Variants in GPRIN3 observed in about 807,000 individuals in gnomAD.
GPRIN3 encodes GPRIN family member 3, also known as G protein-regulated inducer of neurite outgrowth 3.
A neutral mutation model predicts 13.7 loss-of-function variants in GPRIN3; 12 were observed. The observed-to-expected ratio is 0.87, with a 90% CI of 0.56 to 1.42. The LOEUF (loss-of-function observed/expected upper bound fraction) is 1.42, where lower values mean the gene tolerates loss of function less well. Among genes scored for constraint, GPRIN3 ranks in the 40% most tolerant of loss-of-function variants. The probability of loss-of-function intolerance (pLI) is 0.00; values close to 1 mark genes in which losing one functional copy is unlikely to be tolerated. For missense variants in GPRIN3, 1,009 were observed against 958.7 expected, an observed-to-expected ratio of 1.05 and a Z score of -0.69; for synonymous variants, 377 against 372.7, an observed-to-expected ratio of 1.01 and a Z score of -0.13.
intron 1 of GPRIN3, among the ~76,000 whole-genome samples, chr4:89,287,105 T>C (rs570770963): frequency 1.6e-4 from 25 of 152,346 alleles, no homozygotes; most frequent in African/African-American, 6.0e-4. Flanking sequence ...GCTTCTTATG[T>C]ATAAGGCATT....
chr4:89,295,126 T>A (rs1470519463), intron 1 of GPRIN3, among the ~76,000 whole-genome samples: 3 of 152,206 alleles, frequency 2.0e-5, no homozygotes, highest in African/African-American at 4.8e-5. Context: ...AAAGTACTAA[T>A]TTTTTCCCTT....
At chr4:89,258,787 G>A (rs1274282541) in intron 1 of GPRIN3, among the ~76,000 whole-genome samples, 1 of 152,136 alleles carries the variant, frequency 6.6e-6, no homozygotes, top group Admixed American at 6.5e-5. Context: ...ATGCCAAGGC[G>A]CCCTACGTCG....
intron 1 of GPRIN3, among the ~76,000 whole-genome samples, chr4:89,270,149 C>A (rs1723890680): frequency 1.3e-5 from 2 of 151,968 alleles, no homozygotes; most frequent in Non-Finnish European, 2.9e-5. Context: ...TGAATTTATT[C>A]ACCATAAAAG....
intron 1 of GPRIN3, among the ~76,000 whole-genome samples, chr4:89,284,549 G>T (rs1222321120): frequency 6.6e-6 from 1 of 152,190 alleles, no homozygotes; most frequent in Non-Finnish European, 1.5e-5. Context: ...AGGTTAGCTA[G>T]TAGTAACAGC....
intron 1 of GPRIN3, among the ~76,000 whole-genome samples, chr4:89,288,598 C>A (rs1724487387): frequency 6.6e-6 from 1 of 152,120 alleles, no homozygotes; most frequent in South Asian, 2.1e-4. Flanking sequence ...TTTTTCCATG[C>A]AGGGCACTCT....
rs752229812 is a variant in GPRIN3 at position 89,248,569 on chromosome 4, A to G, written c.1542T>C (p.Ser514=). Residue 514 remains serine (S), a synonymous_variant, in exon 2 of 2, where the codon TCT becomes TCC. Transcript: ENST00000609438. Reference sequence around the variant, plus strand: ...GATCAGCTTTGCTGATAGAGCCACAAGAGTCAGATAGTTTGCAATCTGGGT... The same window carrying G: ...GATCAGCTTTGCTGATAGAGCCACAGGAGTCAGATAGTTTGCAATCTGGGT... ...KTDPDCKLSD[S]CGSISKADHS... 3.1e-6 allele frequency: 5 copies of G among 1,612,930 alleles called. No individual in the cohort carries two copies. Among genetic ancestry groups the G allele is most frequent in the East Asian group, 4.5e-5 (2 of 44,848 alleles).
chr4:89,300,982 T>C (rs576673835), intron 1 of GPRIN3, among the ~76,000 whole-genome samples: 2 of 152,296 alleles, frequency 1.3e-5, no homozygotes, highest in South Asian at 2.1e-4. Flanking sequence ...AAATACCTTA[T>C]AGAAAAATTC....
At chr4:89,270,771 T>C (rs1427312874) in intron 1 of GPRIN3, among the ~76,000 whole-genome samples, 1 of 151,494 alleles carries the variant, frequency 6.6e-6, no homozygotes, top group African/African-American at 2.4e-5. Context: ...ATAAATTTCA[T>C]GCATCAAGGT....
intron 1 of GPRIN3, among the ~76,000 whole-genome samples, chr4:89,288,244 GT>G (rs1374379021): frequency 6.6e-6 from 1 of 151,986 alleles, no homozygotes; most frequent in Non-Finnish European, 1.5e-5. Flanking sequence ...AAGGTTTTTT[GT>G]TTTTTTCTTT....
chr4:89,269,556 C>G (rs1723872243), intron 1 of GPRIN3, among the ~76,000 whole-genome samples: 1 of 152,118 alleles, frequency 6.6e-6, no homozygotes, highest in African/African-American at 2.4e-5. Flanking sequence ...AAATTTATTA[C>G]AGAAATTGTT....
Position 89,272,173 on chromosome 4 carries a change from A to G in GPRIN3, c.-123-21940T>C, listed in dbSNP as rs190482834. 2.5e-4 allele frequency among the ~76,000 whole-genome samples: 38 copies of G among 152,302 alleles called. No homozygotes were observed. The East Asian group carries it at 5.4e-3, about 22-fold the overall frequency. On this transcript the variant is annotated intron_variant, in intron 1 of 1. Coordinates refer to ENST00000609438, the MANE Select transcript of GPRIN3 (RefSeq NM_198281.3). ...GTTACAGCAGCCTGAAAGGACTAAG[A>G]CAGAGTAACGGGTTATGGAGGGTGG...
intron 1 of GPRIN3, among the ~76,000 whole-genome samples, chr4:89,273,295 CA>C (rs1177819558): frequency 2.0e-5 from 3 of 152,088 alleles, no homozygotes; most frequent in Non-Finnish European, 4.4e-5. Flanking sequence ...CAACAAGCTG[CA>C]AAAAACAGTT....
intron 1 of GPRIN3, among the ~76,000 whole-genome samples, chr4:89,274,530 G>C (rs1183798163): frequency 6.6e-6 from 1 of 152,196 alleles, no homozygotes. Context: ...TAGTAATCAT[G>C]TTGATTTTCA....
At chr4:89,306,826 C>CACCCAAA (rs1203399789) in intron 1 of GPRIN3, among the ~76,000 whole-genome samples, 3 of 152,188 alleles carry the variant, frequency 2.0e-5, no homozygotes, top group Non-Finnish European at 4.4e-5. Context: ...GCCTTCCCAT[C>CACCCAAA]ACCCAAAATT....
chr4:89,274,635 T>C (rs1007731486), intron 1 of GPRIN3, among the ~76,000 whole-genome samples: 2 of 152,172 alleles, frequency 1.3e-5, no homozygotes, highest in African/African-American at 4.8e-5. Flanking sequence ...CAGACTTGAT[T>C]TTTTTGGAGC....
intron 1 of GPRIN3, among the ~76,000 whole-genome samples, chr4:89,263,368 G>T (rs546081413): frequency 6.6e-6 from 1 of 152,256 alleles, no homozygotes; most frequent in South Asian, 2.1e-4. Context: ...GTGGGAGGGG[G>T]TCCCCGGAGA....
chr4:89,299,520 T>G (rs151286682), intron 1 of GPRIN3, among the ~76,000 whole-genome samples: 70 of 152,274 alleles, frequency 4.6e-4, no homozygotes, highest in African/African-American at 1.7e-3. Context: ...AAAAGGGCAT[T>G]TGTCTTTATT....
intron 1 of GPRIN3, among the ~76,000 whole-genome samples, chr4:89,300,500 G>A (rs1245062904): frequency 1.3e-5 from 2 of 152,036 alleles, no homozygotes; most frequent in Non-Finnish European, 2.9e-5. Flanking sequence ...ATACCTGGAG[G>A]CCACAGTTTT....
At chr4:89,292,748 A>G (rs1363870650) in intron 1 of GPRIN3, among the ~76,000 whole-genome samples, 1 of 152,242 alleles carries the variant, frequency 6.6e-6, no homozygotes, top group Admixed American at 6.5e-5. Flanking sequence ...TACAAGCAAG[A>G]GACTCAAAAC....
Sources: allele counts gnomAD v4.1 joint callset (sites outside exome capture counted in the v4.1 genomes callset), GRCh38; gene constraint gnomAD v4.1.1; transcripts MANE v1.5; gene names NCBI Gene and HGNC (gene_info 2026-07-23, HGNC 2026-07-21).